Variants in REEP3 observed in about 807,000 individuals in gnomAD.
The protein encoded by REEP3 is receptor accessory protein 3.
REEP3 carries 20 observed loss-of-function variants against 41.3 expected under a neutral mutation model. That is an observed-to-expected ratio of 0.48 (90% CI 0.34 to 0.70). The LOEUF is 0.70. Ranked by LOEUF, REEP3 falls within the 30% of genes least tolerant of loss-of-function variation. REEP3 has a pLI of 0.01. For synonymous variants in REEP3, 104 were observed against 101.8 expected (o/e 1.02, Z -0.13); for missense variants, 271 against 308.8 (o/e 0.88, Z 0.92).
intron 3 of REEP3, 45 bp downstream of exon 3, chr10:63,594,899 C>A: frequency 1.7e-6 from 2 of 1,207,896 alleles, no homozygotes; most frequent in African/African-American, 1.5e-5. Context: ...GACTCATAAT[C>A]AGGTGTCCTA....
At chr10:63,609,005 A>G (rs1956254703) in intron 5 of REEP3, among the ~76,000 whole-genome samples, 1 of 152,328 alleles carries the variant, frequency 6.6e-6, no homozygotes, top group African/African-American at 2.4e-5. Flanking sequence ...AGAGTAGTAG[A>G]TATGTCTTGC....
intron 5 of REEP3, among the ~76,000 whole-genome samples, chr10:63,599,993 G>A (rs1299286611): frequency 6.6e-6 from 1 of 152,176 alleles, no homozygotes; most frequent in Non-Finnish European, 1.5e-5. Context: ...ATATACCTGT[G>A]AGAATATTTA....
chr10:63,603,797 G>A (rs952328317), intron 5 of REEP3, among the ~76,000 whole-genome samples: 5 of 152,124 alleles, frequency 3.3e-5, no homozygotes, highest in Admixed American at 6.6e-5. Context: ...TGAACATAGC[G>A]TAATGTTAAC....
At chr10:63,559,832 G>A (rs757440685) in intron 1 of REEP3, among the ~76,000 whole-genome samples, 15 of 152,060 alleles carry the variant, frequency 9.9e-5, no homozygotes, top group Non-Finnish European at 1.9e-4. Context: ...CGTAGCATTA[G>A]TTAAAATAGA....
chr10:63,531,727 T>C (rs949117327), intron 1 of REEP3, among the ~76,000 whole-genome samples: 2 of 152,198 alleles, frequency 1.3e-5, no homozygotes, highest in African/African-American at 2.4e-5. Flanking sequence ...TTACGAGATA[T>C]AGTCCGCTCA....
chr10:63,601,327 T>C (rs2133415370), intron 5 of REEP3, among the ~76,000 whole-genome samples: 1 of 152,264 alleles, frequency 6.6e-6, no homozygotes, highest in Admixed American at 6.5e-5. Context: ...AATTAAGAAA[T>C]TTCTTAATTC....
chr10:63,607,004 T>C (rs1292077634), intron 5 of REEP3, among the ~76,000 whole-genome samples: 2 of 152,210 alleles, frequency 1.3e-5, no homozygotes. Context: ...ATAGCAAACA[T>C]AGTTCCTTTA....
chr10:63,550,050 G>T (rs1288380632), intron 1 of REEP3, among the ~76,000 whole-genome samples: 1 of 152,248 alleles, frequency 6.6e-6, no homozygotes, highest in African/African-American at 2.4e-5. Context: ...AGATTTATCT[G>T]ACAGTGGACA....
intron 6 of REEP3, among the ~76,000 whole-genome samples, chr10:63,613,290 G>A (rs1045421581): frequency 1.3e-5 from 2 of 152,190 alleles, no homozygotes; most frequent in Admixed American, 6.5e-5. Flanking sequence ...GATTACAGGC[G>A]TGAGCCACTG....
intron 1 of REEP3, among the ~76,000 whole-genome samples, chr10:63,559,526 C>G (rs1955721728): frequency 6.6e-6 from 1 of 152,118 alleles, no homozygotes; most frequent in African/African-American, 2.4e-5. Flanking sequence ...AAAATTGACC[C>G]AGTTATTTCA....
At chr10:63,585,862 T>C (rs951514368) in intron 2 of REEP3, among the ~76,000 whole-genome samples, 9 of 152,164 alleles carry the variant, frequency 5.9e-5, no homozygotes, top group African/African-American at 1.9e-4. Flanking sequence ...CTTGTATACT[T>C]GGGGCCTGGG....
At chr10:63,538,155 T>G (rs1485162164) in intron 1 of REEP3, among the ~76,000 whole-genome samples, 2 of 152,342 alleles carry the variant, frequency 1.3e-5, no homozygotes, top group Middle Eastern at 3.4e-3. Context: ...TATTCTTCAC[T>G]CCACAGCTTC....
Position 63,539,685 on chromosome 10 carries a change from T to C in REEP3, c.32+18108T>C, listed in dbSNP as rs566344574. Reference sequence around the variant, plus strand: ...CTGAACACATGATAAATTAAGATTATCCATTGTCATAGAGACGCTTTGGGT... The same window carrying C: ...CTGAACACATGATAAATTAAGATTACCCATTGTCATAGAGACGCTTTGGGT... On this transcript the variant is annotated intron_variant, in intron 1 of 7. Transcript: ENST00000373758. Among the ~76,000 whole-genome samples the C allele has an allele frequency of 9.8e-5, 15 of 152,334 alleles. No individual in the cohort carries two copies. The East Asian group carries it at 2.9e-3, about 29-fold the overall frequency.
At chr10:63,530,171 A>C (rs1231856716) in intron 1 of REEP3, among the ~76,000 whole-genome samples, 3 of 40,644 alleles carry the variant, frequency 7.4e-5, no homozygotes, top group Non-Finnish European at 1.7e-4. Flanking sequence ...GATAGGATTA[A>C]TGAAAAAATC....
chr10:63,575,961 G>A (rs925275305), intron 2 of REEP3, among the ~76,000 whole-genome samples: 1 of 152,176 alleles, frequency 6.6e-6, no homozygotes, highest in Non-Finnish European at 1.5e-5. Flanking sequence ...TTGAACTACC[G>A]ACCTCAGGTG....
At chr10:63,529,711 T>TA (rs1955400887) in intron 1 of REEP3, among the ~76,000 whole-genome samples, 1 of 151,750 alleles carries the variant, frequency 6.6e-6, no homozygotes, top group South Asian at 2.1e-4. Context: ...CAAGCATTCC[T>TA]ACCACCTTGG....
intron 1 of REEP3, among the ~76,000 whole-genome samples, chr10:63,549,297 G>C (rs529767681): frequency 6.6e-6 from 1 of 152,246 alleles, no homozygotes; most frequent in Non-Finnish European, 1.5e-5. Context: ...GCCAGGTGTG[G>C]TGGCTCATGC....
intron 2 of REEP3, among the ~76,000 whole-genome samples, chr10:63,594,066 A>G (rs1282251018): frequency 2.6e-5 from 4 of 152,082 alleles, no homozygotes; most frequent in Non-Finnish European, 5.9e-5. Context: ...GTCTTATACT[A>G]TATTATTTAT....
chr10:63,563,041 T>C (rs1419740465), intron 1 of REEP3: 6 of 456,080 alleles, frequency 1.3e-5, no homozygotes, highest in East Asian at 1.4e-4. Flanking sequence ...GGGGCCATTA[T>C]GTGAGGACAC....
Sources: allele counts gnomAD v4.1 joint callset (sites outside exome capture counted in the v4.1 genomes callset), GRCh38; gene constraint gnomAD v4.1.1; transcripts MANE v1.5; gene names NCBI Gene and HGNC (gene_info 2026-07-23, HGNC 2026-07-21).